The following NAV3 variants were observed in gnomAD, a reference collection of about 807,000 sequenced individuals.
NAV3 encodes the protein neuron navigator 3, also known as pore membrane and/or filament interacting like protein 1.
A neutral mutation model predicts 244.7 loss-of-function variants in NAV3; 87 were observed. The observed-to-expected ratio is 0.36, with a 90% CI of 0.30 to 0.42. The LOEUF (loss-of-function observed/expected upper bound fraction) is 0.42, where lower values mean the gene tolerates loss of function less well. NAV3 is among the 20% of genes least tolerant of loss of function. The pLI is 1.00. For missense variants in NAV3, 2,663 were observed against 2,893.3 expected, an observed-to-expected ratio of 0.92 and a Z score of 1.83; for synonymous variants, 1,126 against 1,042.2, an observed-to-expected ratio of 1.08 and a Z score of -1.55.
chr12:77,698,590 A>G (rs996078416), intron 2 of NAV3, among the ~76,000 whole-genome samples: 3 of 152,186 alleles, frequency 2.0e-5, no homozygotes, highest in Non-Finnish European at 4.4e-5. Flanking sequence ...TTGTAGATTA[A>G]GTAGATTCAA....
chr12:78,069,742 A>T (rs937573561), intron 12 of NAV3, among the ~76,000 whole-genome samples: 3 of 152,008 alleles, frequency 2.0e-5, no homozygotes, highest in Admixed American at 1.3e-4. Context: ...TTTGTTTTCT[A>T]AAAAGATCAA....
At chr12:77,873,286 T>G (rs1881262826) in intron 1 of NAV3, among the ~76,000 whole-genome samples, 1 of 152,170 alleles carries the variant, frequency 6.6e-6, no homozygotes, top group South Asian at 2.1e-4. Context: ...ATTTCTCAGA[T>G]TTACTTTTTA....
intron 12 of NAV3, among the ~76,000 whole-genome samples, chr12:78,064,466 T>C (rs61936201): frequency 4.4e-4 from 52 of 118,016 alleles, no homozygotes; most frequent in African/African-American, 8.6e-4. Context: ...TGCCTGCCTG[T>C]CTGTCTATAT....
chr12:77,835,349 C>G (rs1393719942), intron 1 of NAV3, among the ~76,000 whole-genome samples: 1 of 152,206 alleles, frequency 6.6e-6, no homozygotes, highest in Non-Finnish European at 1.5e-5. Flanking sequence ...ATAGTACCCA[C>G]AATAGACGAC....
intron 10 of NAV3, among the ~76,000 whole-genome samples, 179 bp downstream of exon 10, chr12:78,050,280 A>C (rs1020996984): frequency 6.6e-6 from 1 of 152,134 alleles, no homozygotes; most frequent in African/African-American, 2.4e-5. Context: ...GTATATACCT[A>C]TTTATCTTTT....
At chr12:78,108,158 A>C (rs1405552262) in intron 12 of NAV3, among the ~76,000 whole-genome samples, 2 of 152,180 alleles carry the variant, frequency 1.3e-5, no homozygotes, top group Admixed American at 6.5e-5. Context: ...GAGTAGCTAT[A>C]CTTAAATTAG....
At chr12:77,861,121 A>G (rs1270384318) in intron 1 of NAV3, among the ~76,000 whole-genome samples, 2 of 151,916 alleles carry the variant, frequency 1.3e-5, no homozygotes, top group African/African-American at 2.4e-5. Flanking sequence ...TCTCCTATGT[A>G]GTAGAGAAAA....
rs2138693290 is a variant in NAV3, at chr12:78,122,191, C to T, written c.4001C>T (p.Ala1334Val). The change falls in exon 16 of 40, where the codon GCA (alanine) becomes GTA (valine). Residue 1334 changes from alanine to valine, a missense_variant. Around this residue, in one of 6 missense-constraint regions of NAV3, gnomAD observed 354 missense variants for 413.0 expected, o/e 0.86. Coordinates refer to ENST00000397909, the MANE Select transcript of NAV3 (RefSeq NM_001024383.2). ...AGTCACTCGTTGGCCTCCAGCCCAG[C>T]ATCGGTTCACTCTTTCACATCAGGT... ...SLSHSLASSP[A>V]SVHSFTSGGL... is the part of the protein sequence containing the mutation. 6.2e-7 allele frequency: 1 copy of T among 1,614,144 alleles called. No homozygotes were observed. The highest frequency in any genetic ancestry group is 8.5e-7 in the Non-Finnish European group (1 of 1,180,010).
chr12:78,121,689 A>C (rs1056145068), intron 15 of NAV3, among the ~76,000 whole-genome samples: 2 of 151,924 alleles, frequency 1.3e-5, no homozygotes, highest in Non-Finnish European at 2.9e-5. Flanking sequence ...TTCATGTTTG[A>C]CTTACTTTTG....
In NAV3 at chr12:77,941,094, T is replaced by C; in HGVS notation, c.375T>C (p.Val125=). 6.3e-7 allele frequency: 1 copy of C among 1,585,688 alleles called. No homozygotes were observed. Among genetic ancestry groups the C allele is most frequent in the Non-Finnish European group, 8.6e-7 (1 of 1,160,458 alleles). ...TCTTGGCTTTAGCAAATGAAAAAGTTGAAGATATCAATGGATGTCCTAGAA... is the reference window on the plus strand; with the variant it reads ...TCTTGGCTTTAGCAAATGAAAAAGTCGAAGATATCAATGGATGTCCTAGAA... The part of the protein sequence containing the change: ...EIIQIIANEK[V]EDINGCPRSQ... Residue 125 remains valine (V), a synonymous_variant, in exon 3 of 40, where the codon GTT becomes GTC. Transcript: ENST00000397909.
chr12:78,049,061 C>G (rs1342512637), intron 9 of NAV3, among the ~76,000 whole-genome samples: 1 of 152,142 alleles, frequency 6.6e-6, no homozygotes, highest in East Asian at 1.9e-4. Flanking sequence ...TGGCAGTTGC[C>G]CCTCCCCCCA....
chr12:77,797,203 AT>A (rs1871450046), intron 2 of NAV3, among the ~76,000 whole-genome samples: 1 of 152,312 alleles, frequency 6.6e-6, no homozygotes, highest in South Asian at 2.1e-4. Context: ...TTGTCACTGA[AT>A]ATGCATTATT....
At chr12:77,670,574 A>G (rs1023194623) in intron 2 of NAV3, among the ~76,000 whole-genome samples, 3 of 152,192 alleles carry the variant, frequency 2.0e-5, no homozygotes, top group African/African-American at 4.8e-5. Context: ...CAGCATATCA[A>G]AAGGATAATC....
chr12:78,161,696 C>CT (rs1957552697), intron 23 of NAV3, among the ~76,000 whole-genome samples: 2 of 152,094 alleles, frequency 1.3e-5, no homozygotes, highest in African/African-American at 2.4e-5. Flanking sequence ...GTCCTTATCA[C>CT]TTTTTTAACT....
chr12:78,067,133 C>T (rs1336382549), intron 12 of NAV3, among the ~76,000 whole-genome samples: 1 of 152,032 alleles, frequency 6.6e-6, no homozygotes, highest in Non-Finnish European at 1.5e-5. Flanking sequence ...GTTCATGATG[C>T]TTGTCACTAG....
chr12:78,036,787 C>T (rs1031067444), intron 9 of NAV3: 8 of 602,444 alleles, frequency 1.3e-5, no homozygotes, highest in Non-Finnish European at 2.4e-5. Context: ...TAATCAAAAT[C>T]AAATGGATCA....
intron 2 of NAV3, among the ~76,000 whole-genome samples, chr12:77,610,272 G>A (rs1021790345): frequency 1.4e-4 from 22 of 152,032 alleles, no homozygotes; most frequent in African/African-American, 4.6e-4. Context: ...GTGCTGTCAT[G>A]TAGAAAACAT....
chr12:77,975,967 T>A (rs1868338807), intron 5 of NAV3, among the ~76,000 whole-genome samples: 1 of 152,092 alleles, frequency 6.6e-6, no homozygotes, highest in African/African-American at 2.4e-5. Flanking sequence ...AAATGCCAAA[T>A]GTGTTTTGAA....
At chr12:78,079,226 G>T (rs1273492628) in intron 12 of NAV3, among the ~76,000 whole-genome samples, 1 of 152,064 alleles carries the variant, frequency 6.6e-6, no homozygotes, top group African/African-American at 2.4e-5. Context: ...TTCTAAAGAT[G>T]TCTTTTTTTT....
Sources: allele counts gnomAD v4.1 joint callset (sites outside exome capture counted in the v4.1 genomes callset), GRCh38; gene constraint gnomAD v4.1.1; regional missense constraint gnomAD v4.1.1; transcripts MANE v1.5; gene names NCBI Gene and HGNC (gene_info 2026-07-23, HGNC 2026-07-21).